The following MXRA7 variants were observed in gnomAD, a reference collection of about 807,000 sequenced individuals.
MXRA7 encodes the protein matrix remodeling associated 7.
A neutral mutation model predicts 17.4 loss-of-function variants in MXRA7; 18 were observed. The ratio of observed to expected loss-of-function variants is 1.03; its 90% CI spans 0.71 to 1.53. MXRA7 has a LOEUF of 1.53. Ranked by LOEUF, MXRA7 falls within the 40% of genes most tolerant of loss-of-function variation. MXRA7 has a pLI of 0.00. For missense variants in MXRA7, 141 were observed against 209.3 expected (o/e 0.67, Z 2.01); for synonymous variants, 70 against 101.7 (o/e 0.69, Z 1.87).
rs1179318687 is a variant in MXRA7, at chr17:76,681,548, C to T, written c.501-669G>A. Among the ~76,000 whole-genome samples the T allele has an allele frequency of 6.6e-6, 1 of 152,138 alleles. No individual in the cohort carries two copies. Among genetic ancestry groups the T allele is most frequent in the African/African-American group, 2.4e-5 (1 of 41,408 alleles). On this transcript the variant is annotated intron_variant, in intron 3 of 3. Transcript: ENST00000449428. The surrounding 1 kb of genome is among the most constrained non-coding windows in gnomAD (Gnocchi z 4.7). ...CTACCCCACAGCTGGGGTTCCTTGGCCTCCTCCTCCCCTTCCCTGTTTTAC... is the reference window on the plus strand; with the variant it reads ...CTACCCCACAGCTGGGGTTCCTTGGTCTCCTCCTCCCCTTCCCTGTTTTAC...
In MXRA7 at chr17:76,687,993, C is replaced by T. The variant is rs372177759; in HGVS notation, c.406+120G>A. On this transcript the variant is annotated intron_variant, in intron 2 of 3. Coordinates refer to ENST00000449428, the MANE Select transcript of MXRA7 (RefSeq NM_198530.4). ...CTCTACCTCTCATGCCCCACTCAGG[C>T]CACTGTCCCACCCCATCCCTCCCCT... The T allele has an allele frequency of 1.6e-5, 16 of 973,444 alleles. No homozygotes were observed. In the East Asian group the frequency reaches 3.3e-4, roughly 20 times the overall value. 60.3% of individuals were successfully genotyped at this position (973,444 alleles called of 1,614,324 possible).
intron 1 of MXRA7, chr17:76,688,689 C>G: frequency 8.1e-7 from 1 of 1,236,394 alleles, no homozygotes; most frequent in Non-Finnish European, 1.0e-6. Flanking sequence ...CAGTTCTCTC[C>G]CACACAGAGA....
intron 1 of MXRA7, among the ~76,000 whole-genome samples, chr17:76,708,241 C>T (rs1747855014): frequency 6.6e-6 from 1 of 152,232 alleles, no homozygotes; most frequent in Non-Finnish European, 1.5e-5. Context: ...GCTGCCCCAG[C>T]CCGCCCAGGC....
intron 1 of MXRA7, among the ~76,000 whole-genome samples, chr17:76,697,688 C>A (rs530171437): frequency 1.2e-4 from 19 of 152,190 alleles, no homozygotes; most frequent in African/African-American, 4.6e-4. Context: ...GCAAACGGGA[C>A]GTGCCTCCTG....
rs893900935 is a variant in MXRA7 at position 76,683,370 on chromosome 17, G to T, written c.500+1702C>A. On this transcript the variant is annotated intron_variant, in intron 3 of 3. Transcript: ENST00000449428. Reference sequence around the variant, plus strand: ...GCAGGTGGGGGATCAGATGTGGCCCGGCCGTTGTCTGCTAACCCTTGCCCT... The same window carrying T: ...GCAGGTGGGGGATCAGATGTGGCCCTGCCGTTGTCTGCTAACCCTTGCCCT... Among the ~76,000 whole-genome samples the T allele has an allele frequency of 5.3e-5, 8 of 152,198 alleles. No individual in the cohort carries two copies. In the South Asian group the frequency reaches 1.7e-3, roughly 32 times the overall value.
At chr17:76,687,366 G>A (rs1221794338) in intron 2 of MXRA7, among the ~76,000 whole-genome samples, 5 of 152,350 alleles carry the variant, frequency 3.3e-5, no homozygotes, top group Admixed American at 1.3e-4. Context: ...GCCAGCAGCC[G>A]ACTTAACATC....
intron 2 of MXRA7, 35 bp downstream of exon 2, chr17:76,688,078 T>A: frequency 6.2e-7 from 1 of 1,607,602 alleles, no homozygotes; most frequent in Non-Finnish European, 8.5e-7. Flanking sequence ...CCCGACACTG[T>A]CAGGCCCCCT....
At chr17:76,698,597 C>A (rs2076559184) in intron 1 of MXRA7, among the ~76,000 whole-genome samples, 1 of 152,102 alleles carries the variant, frequency 6.6e-6, no homozygotes, top group Admixed American at 6.6e-5. Flanking sequence ...ACCTAGTAAC[C>A]CAAGTCTCAA....
At chr17:76,687,707 C>G (rs2076415418) in intron 2 of MXRA7, among the ~76,000 whole-genome samples, 1 of 152,212 alleles carries the variant, frequency 6.6e-6, no homozygotes, top group African/African-American at 2.4e-5. Flanking sequence ...CCTCCTGGGG[C>G]CTTCGTTCTG....
At chr17:76,682,938 G>C (rs2076327583) in intron 3 of MXRA7, among the ~76,000 whole-genome samples, 1 of 152,184 alleles carries the variant, frequency 6.6e-6, no homozygotes, top group Admixed American at 6.5e-5. Context: ...GACCTCCAAA[G>C]ATCCAGTGGG....
At chr17:76,678,467 G>A (rs183851261), downstream of MXRA7, among the ~76,000 whole-genome samples, 245 of 152,264 alleles carry the variant, frequency 1.6e-3, 1 homozygote, top group African/African-American at 5.4e-3. Context: ...GGGGCGAGGC[G>A]GCTGCCGAAC....
chr17:76,697,016 A>G (rs1286700333), intron 1 of MXRA7, among the ~76,000 whole-genome samples: 1 of 152,198 alleles, frequency 6.6e-6, no homozygotes, highest in African/African-American at 2.4e-5. Context: ...CCTTGGTCCC[A>G]GGAGTGTTCA....
At chr17:76,686,923 C>T (rs145856341) in intron 2 of MXRA7, among the ~76,000 whole-genome samples, 89 of 148,188 alleles carry the variant, frequency 6.0e-4, no homozygotes, top group African/African-American at 2.2e-3. Flanking sequence ...TCAGGAGCAG[C>T]GGTGCAGATA....
intron 1 of MXRA7, among the ~76,000 whole-genome samples, chr17:76,691,843 A>G (rs2076481865): frequency 6.6e-6 from 1 of 152,226 alleles, no homozygotes; most frequent in Admixed American, 6.5e-5. Context: ...CAGTTCTCCT[A>G]TTATGTGCAA....
intron 3 of MXRA7, among the ~76,000 whole-genome samples, chr17:76,684,307 G>C (rs1430321567): frequency 6.6e-6 from 1 of 152,126 alleles, no homozygotes; most frequent in Non-Finnish European, 1.5e-5. Context: ...CGCCAGGCTT[G>C]GAAAATGGCA....
intron 1 of MXRA7, among the ~76,000 whole-genome samples, chr17:76,696,844 T>C (rs940487949): frequency 1.3e-5 from 2 of 152,160 alleles, no homozygotes; most frequent in South Asian, 2.1e-4. Flanking sequence ...AGCTGTGCCA[T>C]GGTGGGTGCG....
At chr17:76,699,985 G>A (rs745805547) in intron 1 of MXRA7, among the ~76,000 whole-genome samples, 16 of 152,124 alleles carry the variant, frequency 1.1e-4, no homozygotes, top group Non-Finnish European at 1.6e-4. Context: ...TTTGAGACTG[G>A]GTCTCACTCT....
Position 76,704,605 on chromosome 17 carries a change from C to T in MXRA7, c.342+6000G>A, listed in dbSNP as rs771299746. On this transcript the variant is annotated intron_variant, in intron 1 of 3. Transcript: ENST00000449428. ...TTCAAGACCACCCTGGCCAACATGGCGAAACCCCGCCTCTACTAAAAATAC... is the reference window on the plus strand; with the variant it reads ...TTCAAGACCACCCTGGCCAACATGGTGAAACCCCGCCTCTACTAAAAATAC... 3.2e-4 allele frequency among the ~76,000 whole-genome samples: 48 copies of T among 150,284 alleles called. 2 individuals carry two copies. The highest frequency in any genetic ancestry group is 1.5e-3 in the Admixed American group (22 of 15,138).
At position 76,688,095 on chromosome 17, in the gene MXRA7, C is replaced by T. The variant is rs775111261; in HGVS notation, c.406+18G>A. The T allele has an allele frequency of 2.1e-5, 34 of 1,612,156 alleles. No homozygotes were observed. The highest frequency in any genetic ancestry group is 1.9e-4 in the Middle Eastern group (1 of 5,202). ...CGACACTGTCAGGCCCCCTCATGAG[C>T]GCAGAGGTCCCACTCACCGTCCTCC... On this transcript the variant is annotated intron_variant, in intron 2 of 3. Transcript: ENST00000449428.
Sources: gnomAD v4.1 joint callset for allele counts (sites outside exome capture counted in the v4.1 genomes callset) on GRCh38, gnomAD v4.1.1 for gene constraint, Gnocchi (gnomAD v3.1) non-coding constraint, MANE v1.5 for transcripts, NCBI Gene and HGNC (gene_info 2026-07-23, HGNC 2026-07-21) for gene names.